CARMIL1: variants seen among roughly 807,000 people sequenced by gnomAD.
CARMIL1 encodes the protein F-actin-uncapping protein LRRC16A.
Under a neutral mutation model 177.1 loss-of-function variants are expected in CARMIL1, and 90 were observed. The ratio of observed to expected loss-of-function variants is 0.51; its 90% CI spans 0.43 to 0.61. CARMIL1 has a LOEUF of 0.61. Among genes scored for constraint, CARMIL1 ranks in the 20% least tolerant of loss-of-function variants. The pLI is 0.00. For missense variants in CARMIL1, 1,380 were observed against 1,667.0 expected, an observed-to-expected ratio of 0.83 and a Z score of 3.00; for synonymous variants, 577 against 606.2, an observed-to-expected ratio of 0.95 and a Z score of 0.71.
intron 2 of CARMIL1, among the ~76,000 whole-genome samples, chr6:25,299,484 T>C (rs897764857): frequency 2.0e-5 from 3 of 152,032 alleles, no homozygotes; most frequent in African/African-American, 7.2e-5. Context: ...TGCTGGGTTC[T>C]TAATCTCCAG....
At chr6:25,400,970 A>G (rs1401065481) in intron 2 of CARMIL1, among the ~76,000 whole-genome samples, 1 of 150,034 alleles carries the variant, frequency 6.7e-6, no homozygotes, top group East Asian at 1.9e-4. Context: ...TCCAAGAAGC[A>G]AAAGAATATA....
chr6:25,296,604 C>CTCTTTGATGCCTAA (rs1483545629), intron 2 of CARMIL1, among the ~76,000 whole-genome samples: 2 of 152,186 alleles, frequency 1.3e-5, no homozygotes, highest in Non-Finnish European at 2.9e-5. Context: ...AATCTCTCTG[C>CTCTTTGATGCCTAA]TCTTTGATGC....
intron 5 of CARMIL1, among the ~76,000 whole-genome samples, chr6:25,442,997 C>A (rs559939049): frequency 6.6e-6 from 1 of 152,134 alleles, no homozygotes; most frequent in Non-Finnish European, 1.5e-5. Context: ...CACCAGCTTC[C>A]GGTCAAAGAT....
intron 33 of CARMIL1, among the ~76,000 whole-genome samples, chr6:25,601,927 A>G (rs1815449804): frequency 2.0e-5 from 3 of 152,182 alleles, no homozygotes; most frequent in African/African-American, 7.2e-5. Flanking sequence ...CATTATTTTT[A>G]CACAACTGGT....
chr6:25,494,613 G>A (rs1803520199), intron 15 of CARMIL1, among the ~76,000 whole-genome samples: 1 of 152,166 alleles, frequency 6.6e-6, no homozygotes, highest in Admixed American at 6.5e-5. Context: ...TAGCTGAATA[G>A]GCTATTTGTA....
intron 24 of CARMIL1, among the ~76,000 whole-genome samples, chr6:25,529,544 G>GA (rs1807508817): frequency 6.6e-6 from 1 of 152,086 alleles, no homozygotes; most frequent in Non-Finnish European, 1.5e-5. Context: ...GATGAACAAA[G>GA]GAATTGAGCT....
chr6:25,494,817 T>A (rs1227075054), intron 15 of CARMIL1, among the ~76,000 whole-genome samples: 1 of 152,238 alleles, frequency 6.6e-6, no homozygotes, highest in Non-Finnish European at 1.5e-5. Flanking sequence ...CTCCTATTTT[T>A]AAAAATTCCA....
chr6:25,372,475 T>G (rs1333781008), intron 2 of CARMIL1, among the ~76,000 whole-genome samples: 1 of 152,124 alleles, frequency 6.6e-6, no homozygotes, highest in East Asian at 1.9e-4. Context: ...TTAAGTATAT[T>G]TCTAGGTAAT....
intron 23 of CARMIL1, among the ~76,000 whole-genome samples, chr6:25,523,981 A>G (rs746454687): frequency 1.3e-5 from 2 of 152,170 alleles, no homozygotes; most frequent in Non-Finnish European, 2.9e-5. Flanking sequence ...ATGAGTCCCA[A>G]TGGGCTATCG....
chr6:25,546,479 C>T (rs868786674), intron 26 of CARMIL1, among the ~76,000 whole-genome samples: 62 of 151,862 alleles, frequency 4.1e-4, no homozygotes, highest in Middle Eastern at 3.2e-3. Context: ...GCTGGAAGAT[C>T]TTTTGAGCCA....
intron 20 of CARMIL1, among the ~76,000 whole-genome samples, chr6:25,514,008 G>A (rs1304163110): frequency 6.6e-6 from 1 of 152,148 alleles, no homozygotes; most frequent in Non-Finnish European, 1.5e-5. Context: ...AATAAGTTAT[G>A]GCTTAAATCA....
chr6:25,555,890 CAGAA>C (rs1810567996), intron 28 of CARMIL1, among the ~76,000 whole-genome samples: 1 of 152,100 alleles, frequency 6.6e-6, no homozygotes, highest in Non-Finnish European at 1.5e-5. Flanking sequence ...AGAATTTACT[CAGAA>C]AGTATTGATT....
At chr6:25,366,583 T>A (rs1789833838) in intron 2 of CARMIL1, among the ~76,000 whole-genome samples, 1 of 151,458 alleles carries the variant, frequency 6.6e-6, no homozygotes, top group African/African-American at 2.4e-5. Flanking sequence ...CAGGGATTTT[T>A]GCCTATTTTG....
chr6:25,459,983 T>C (rs1437427587), intron 8 of CARMIL1, among the ~76,000 whole-genome samples: 2 of 152,358 alleles, frequency 1.3e-5, no homozygotes, highest in Admixed American at 6.5e-5. Flanking sequence ...ATAAATGTCA[T>C]GGACTGGTGA....
chr6:25,545,989 T>A (rs1488578354), intron 26 of CARMIL1, among the ~76,000 whole-genome samples: 1 of 152,182 alleles, frequency 6.6e-6, no homozygotes, highest in African/African-American at 2.4e-5. Context: ...ATAACTTAAG[T>A]TAGCAGTAAG....
chr6:25,287,040 G>T (rs1781569893), intron 2 of CARMIL1, among the ~76,000 whole-genome samples: 1 of 152,194 alleles, frequency 6.6e-6, no homozygotes, highest in African/African-American at 2.4e-5. Context: ...GCATGGGCAG[G>T]AATTATTAAT....
intron 16 of CARMIL1, among the ~76,000 whole-genome samples, chr6:25,496,845 T>A (rs1803777233): frequency 1.3e-5 from 2 of 152,204 alleles, no homozygotes; most frequent in Admixed American, 6.5e-5. Context: ...ATTGTTTCAA[T>A]GTTGTTTACT....
At chr6:25,538,881 C>T (rs895618821) in intron 25 of CARMIL1, among the ~76,000 whole-genome samples, 1 of 152,090 alleles carries the variant, frequency 6.6e-6, no homozygotes. Flanking sequence ...GAATGGACAC[C>T]AGTGGCCACT....
rs537629639 is a variant in CARMIL1 at position 25,518,782 on chromosome 6, T to C, written c.1874+1367T>C. 2.6e-5 allele frequency among the ~76,000 whole-genome samples: 4 copies of C among 152,310 alleles called. No individual in the cohort carries two copies. The South Asian group carries it at 8.3e-4, about 32-fold the overall frequency. ...CTTGATCACAGTCGATTATATATGC[T>C]CTGCTCCAAGATGCCAATGCTTCAA... is the stretch of plus-strand genomic sequence containing the variant. On this transcript the variant is annotated intron_variant, in intron 22 of 36. Transcript: ENST00000329474.
Sources: gnomAD v4.1 joint callset for allele counts (sites outside exome capture counted in the v4.1 genomes callset) on GRCh38, gnomAD v4.1.1 for gene constraint, MANE v1.5 for transcripts, NCBI Gene and HGNC (gene_info 2026-07-23, HGNC 2026-07-21) for gene names.